ZNF786: variants seen among roughly 807,000 people sequenced by gnomAD.
ZNF786 encodes zinc finger protein 786.
Under a neutral mutation model 63.1 loss-of-function variants are expected in ZNF786, and 56 were observed. The observed-to-expected ratio is 0.89, with a 90% CI of 0.72 to 1.11. ZNF786 has a LOEUF of 1.11. Ranked by LOEUF, ZNF786 falls within the 50% of genes least tolerant of loss-of-function variation. ZNF786 has a pLI of 0.00. For missense variants in ZNF786, 1,213 were observed against 1,041.8 expected (o/e 1.16, Z -2.26); for synonymous variants, 485 against 406.9 (o/e 1.19, Z -2.31).
At position 149,070,982 on chromosome 7, in the gene ZNF786, T is replaced by C. The variant is rs749904470; in HGVS notation, c.1790A>G (p.Glu597Gly). ...HSGERPFQCP[E>G]CNRSFRLKGQ... is the part of the protein sequence containing the mutation. ...CTTCAGGCGGAAGCTCCTGTTGCAC[T>C]CTGGGCACTGGAAGGGTCTCTCCCC... The change falls in exon 4 of 4, where the codon GAG becomes GGG. Residue 597 changes from glutamate (E) to glycine (G), a missense_variant. By Grantham distance (98) the Glu-to-Gly change is moderately conservative. Coordinates refer to ENST00000491431, the MANE Select transcript of ZNF786 (RefSeq NM_152411.4). 5 of 1,613,248 alleles carry C rather than the reference T, an allele frequency of 3.1e-6. No homozygotes were observed. The East Asian group carries it at 1.1e-4, about 36-fold the overall frequency.
At chr7:149,088,638 GA>G (rs1295218527) in intron 1 of ZNF786, among the ~76,000 whole-genome samples, 1 of 152,146 alleles carries the variant, frequency 6.6e-6, no homozygotes, top group Non-Finnish European at 1.5e-5. Context: ...GAGTTACAGA[GA>G]AAACTATAAG....
At chr7:149,074,815 C>CTA (rs372272906) in intron 2 of ZNF786, among the ~76,000 whole-genome samples, 9,667 of 148,394 alleles carry the variant, frequency 0.065, 343 homozygotes, top group African/African-American at 0.096. Context: ...ATGGCTAATG[C>CTA]TATATATATA....
chr7:149,080,523 A>T (rs1359929067), intron 2 of ZNF786, 68 bp downstream of exon 2: 2 of 1,429,544 alleles, frequency 1.4e-6, no homozygotes, highest in Non-Finnish European at 1.8e-6. Context: ...AAACAGGAGC[A>T]TCAAGTGACT....
intron 3 of ZNF786, among the ~76,000 whole-genome samples, chr7:149,073,745 G>GTATA (rs1554452327): frequency 5.9e-5 from 4 of 67,776 alleles, no homozygotes; most frequent in Non-Finnish European, 1.1e-4. Flanking sequence ...GTGTGTGTGT[G>GTATA]TGTATATATA....
chr7:149,089,862 C>G (rs1825801994), intron 1 of ZNF786, among the ~76,000 whole-genome samples: 1 of 151,786 alleles, frequency 6.6e-6, no homozygotes, highest in South Asian at 2.1e-4. Context: ...TACAGGCGCC[C>G]GCCATCATGC....
chr7:149,090,409 G>C (rs182078290), intron 1 of ZNF786, among the ~76,000 whole-genome samples: 1 of 152,294 alleles, frequency 6.6e-6, no homozygotes, highest in Non-Finnish European at 1.5e-5. Flanking sequence ...GCTCGGCTTT[G>C]TCCAGGGGTT....
chr7:149,071,119 G>T lies in ZNF786; in HGVS notation c.1653C>A (p.Ile551=). 6.2e-7 allele frequency: 1 copy of T among 1,600,564 alleles called. No homozygotes were observed. The highest frequency in any genetic ancestry group is 2.3e-5 in the East Asian group (1 of 44,044). ...TGTGCGTGTGCTGGTGGGCCTTCAG[G>T]ATGCCCTTCAGGCGGAAGCGCTTGT... ...KCDKRFRLKG[I]LKAHQHTHSK... is the part of the protein sequence containing the mutation. Residue 551 remains isoleucine, a synonymous_variant, in exon 4 of 4, where the codon ATC becomes ATA. Coordinates refer to ENST00000491431, the MANE Select transcript of ZNF786 (RefSeq NM_152411.4).
At chr7:149,087,693 A>C (rs1825759729) in intron 1 of ZNF786, among the ~76,000 whole-genome samples, 1 of 152,028 alleles carries the variant, frequency 6.6e-6, no homozygotes, top group Non-Finnish European at 1.5e-5. Context: ...ACAACTTTCC[A>C]TCTCATTTCA....
Position 149,071,293 on chromosome 7 carries a change from C to T in ZNF786, c.1479G>A (p.Glu493=), listed in dbSNP as rs377472285. The T allele has an allele frequency of 4.3e-6, 7 of 1,612,010 alleles. No homozygotes were observed. The African/African-American group carries it at 9.4e-5, about 22-fold the overall frequency. ...GGAGCCGGTGGGCTCTCAGCATGCTCTCCAGGCGGAAGCTCAGCCCACACT... is the reference window on the plus strand; with the variant it reads ...GGAGCCGGTGGGCTCTCAGCATGCTTTCCAGGCGGAAGCTCAGCCCACACT... ...CPECGLSFRL[E]SMLRAHRLRH... is the part of the protein sequence containing the mutation. Residue 493 remains glutamate (E), a synonymous_variant, in exon 4 of 4, where the codon GAG becomes GAA. Coordinates refer to ENST00000491431, the MANE Select transcript of ZNF786 (RefSeq NM_152411.4).
At chr7:149,075,275 C>G (rs1334334782) in intron 2 of ZNF786, among the ~76,000 whole-genome samples, 1 of 152,170 alleles carries the variant, frequency 6.6e-6, no homozygotes, top group East Asian at 1.9e-4. Flanking sequence ...TAGGGTCTCA[C>G]TCTGTCTCTC....
chr7:149,072,277 G>A lies in ZNF786; in HGVS notation c.495C>T (p.Ile165=), dbSNP rs370763414. 4 of 1,613,540 alleles carry A rather than the reference G, an allele frequency of 2.5e-6. No homozygotes were observed. Among genetic ancestry groups the A allele is most frequent in the African/African-American group, 2.7e-5 (2 of 74,912 alleles). The part of the protein sequence containing the change: ...GPSESTLKEG[I]PGPRNLDLPG... ...GAAGATCCAGATTTCTGGGACCTGG[G>A]ATTCCTTCTTTTAGGGTAGATTCAC... Residue 165 remains isoleucine (I), a synonymous_variant, in exon 4 of 4, where the codon ATC becomes ATT. Coordinates refer to ENST00000491431, the MANE Select transcript of ZNF786 (RefSeq NM_152411.4).
Position 149,071,940 on chromosome 7 carries a change from G to T in ZNF786, c.832C>A (p.Arg278=). 1.2e-6 allele frequency: 2 copies of T among 1,610,672 alleles called. No individual in the cohort carries two copies. The highest frequency in any genetic ancestry group is 8.5e-7 in the Non-Finnish European group (1 of 1,179,440). The change falls in exon 4 of 4, where the codon CGA becomes AGA. Residue 278 remains arginine, a synonymous_variant. Coordinates refer to ENST00000491431, the MANE Select transcript of ZNF786 (RefSeq NM_152411.4). ...TGGCTGGGATGGGTCAGCTCGTGTC[G>T]GAAGCACATTTCACCGTCAGCGTTC... is the stretch of plus-strand genomic sequence containing the variant. ...FRNADGEMCF[R]HELTHPSHRL...
rs144320319 is a variant in ZNF786, at chr7:149,075,210, G to A, written c.146-672C>T. Reference sequence around the variant, plus strand: ...GCAAGTTGGTTATGGCAAAAATGCGGTCAAAAAGGAGTTTTTAAAATAATG... The same window carrying A: ...GCAAGTTGGTTATGGCAAAAATGCGATCAAAAAGGAGTTTTTAAAATAATG... On this transcript the variant is annotated intron_variant, in intron 2 of 3. Coordinates refer to ENST00000491431, the MANE Select transcript of ZNF786 (RefSeq NM_152411.4). 4.7e-4 allele frequency among the ~76,000 whole-genome samples: 72 copies of A among 152,272 alleles called. 1 individual carries two copies. The highest frequency in any genetic ancestry group is 3.4e-3 in the Middle Eastern group (1 of 294).
At chr7:149,077,480 TAGCC>T (rs1825573950) in intron 2 of ZNF786, among the ~76,000 whole-genome samples, 1 of 151,224 alleles carries the variant, frequency 6.6e-6, no homozygotes, top group Non-Finnish European at 1.5e-5. Context: ...ACAAAACAAT[TAGCC>T]AGGCGTGGTG....
chr7:149,089,997 G>A (rs1825804936), intron 1 of ZNF786, among the ~76,000 whole-genome samples: 1 of 152,032 alleles, frequency 6.6e-6, no homozygotes, highest in Non-Finnish European at 1.5e-5. Flanking sequence ...TTACAGGCGT[G>A]AGCCACCGCG....
chr7:149,079,955 C>A (rs1459913280), intron 2 of ZNF786, among the ~76,000 whole-genome samples: 1 of 150,900 alleles, frequency 6.6e-6, no homozygotes, highest in Non-Finnish European at 1.5e-5. Context: ...GGGTGGATCA[C>A]GAGGTCAGGA....
chr7:149,073,747 GTATATATA>G (rs57987134), intron 3 of ZNF786, among the ~76,000 whole-genome samples: 121 of 77,562 alleles, frequency 1.6e-3, no homozygotes, highest in African/African-American at 3.3e-3. Flanking sequence ...GTGTGTGTGT[GTATATATA>G]TATATATATA....
intron 1 of ZNF786, among the ~76,000 whole-genome samples, chr7:149,090,304 G>T (rs1183887787): frequency 6.6e-6 from 1 of 152,152 alleles, no homozygotes; most frequent in East Asian, 1.9e-4. Context: ...TCCACCTCTG[G>T]CCCCAAACCT....
intron 2 of ZNF786, among the ~76,000 whole-genome samples, chr7:149,075,663 T>TTTTG (rs1205258380): frequency 8.8e-6 from 1 of 113,816 alleles, no homozygotes; most frequent in Admixed American, 9.5e-5. Flanking sequence ...AGGTTTTTTT[T>TTTTG]TTTTTTTTTT....
Sources: gnomAD v4.1 joint callset for allele counts (sites outside exome capture counted in the v4.1 genomes callset) on GRCh38, gnomAD v4.1.1 for gene constraint, MANE v1.5 for transcripts, NCBI Gene and HGNC (gene_info 2026-07-23, HGNC 2026-07-21) for gene names.